Variants in LRP2 observed in about 807,000 individuals in gnomAD.
The protein encoded by LRP2 is low-density lipoprotein receptor-related protein 2.
LRP2 carries 172 observed loss-of-function variants against 531.0 expected under a neutral mutation model. That is an observed-to-expected ratio of 0.32 (90% CI 0.29 to 0.37). The LOEUF (loss-of-function observed/expected upper bound fraction) is 0.37. Ranked by LOEUF, LRP2 falls within the 10% of genes least tolerant of loss-of-function variation. The pLI is 1.00. For missense variants in LRP2, 5,167 were observed against 5,868.3 expected (o/e 0.88, Z 3.90); for synonymous variants, 1,992 against 2,027.6 (o/e 0.98, Z 0.47).
At chr2:169,274,758 C>G (rs1165230770) in intron 14 of LRP2, among the ~76,000 whole-genome samples, 1 of 152,102 alleles carries the variant, frequency 6.6e-6, no homozygotes, top group Admixed American at 6.6e-5. Context: ...AGCTGCTATA[C>G]CCCCAAGCAT....
At position 169,318,820 on chromosome 2, in the gene LRP2, G is replaced by A; in HGVS notation, c.252C>T (p.Ser84=). Residue 84 remains serine (S), a synonymous_variant, in exon 3 of 79, where the codon TCC becomes TCT. Transcript: ENST00000649046. The part of the protein sequence containing the change: ...CQSEGQCIPN[S]WVCDQDQDCD... ...AGTCTTGATCTTGGTCACACACCCA[G>A]GAGTTGGGGATGCATTGTCCCTCAC... 1 of 1,614,150 alleles carries A rather than the reference G, an allele frequency of 6.2e-7. No homozygotes were observed. The highest frequency in any genetic ancestry group is 1.1e-5 in the South Asian group (1 of 91,086).
At chr2:169,354,455 C>T (rs1685937128) in intron 1 of LRP2, among the ~76,000 whole-genome samples, 1 of 152,180 alleles carries the variant, frequency 6.6e-6, no homozygotes, top group South Asian at 2.1e-4. Flanking sequence ...ATTACATTTC[C>T]TCCTTTCATT....
intron 31 of LRP2, among the ~76,000 whole-genome samples, chr2:169,231,006 C>A (rs1574157816): frequency 6.6e-6 from 1 of 152,010 alleles, no homozygotes; most frequent in Admixed American, 6.6e-5. Flanking sequence ...AAAAATGAGA[C>A]AATGGAGCCA....
intron 45 of LRP2, 115 bp downstream of exon 45, chr2:169,198,671 G>A (rs941546358): frequency 2.4e-6 from 3 of 1,247,632 alleles, no homozygotes; most frequent in African/African-American, 3.0e-5. Flanking sequence ...TACTTAGAAG[G>A]TCAATGTGAA....
In LRP2 at chr2:169,282,948, G is replaced by T. The variant is rs865814749; in HGVS notation, c.1096C>A (p.Pro366Thr). ...GICDQKCESR[P>T]GRHLCHCEEG... ...TCACAGTGGCACAGGTGACGGCCAG[G>T]TCGGCTTTCACACTTCTGGTCACAA... The change falls in exon 10 of 79, where the codon CCT becomes ACT. Residue 366 changes from proline (P) to threonine (T), a missense_variant. Physicochemically the swap from Pro to Thr is conservative, Grantham distance 38. This residue lies in a region of LRP2 where 2,811 missense variants were observed against 3,058.0 expected (regional missense o/e 0.92). Coordinates refer to ENST00000649046, the MANE Select transcript of LRP2 (RefSeq NM_004525.3). 2.5e-6 allele frequency: 4 copies of T among 1,614,060 alleles called. No individual in the cohort carries two copies. Among genetic ancestry groups the T allele is most frequent in the Middle Eastern group, 1.7e-4 (1 of 6,060 alleles).
chr2:169,193,263 C>CA (rs11378293), intron 47 of LRP2, among the ~76,000 whole-genome samples: 11,308 of 145,942 alleles, frequency 0.077, 1,152 homozygotes, highest in African/African-American at 0.24. Flanking sequence ...TTCGTCTCTA[C>CA]AAAAAAAAAA....
chr2:169,275,342 C>A lies in LRP2; in HGVS notation c.1773-104G>T. 6 of 857,648 alleles carry A rather than the reference C, an allele frequency of 7.0e-6. No homozygotes were observed. In the South Asian group the frequency reaches 8.7e-5, roughly 12 times the overall value. The allele number at this position is 857,648 out of a possible 1,614,324, so 53.1% of individuals were successfully genotyped here. On this transcript the variant is annotated intron_variant, in intron 13 of 78. Coordinates refer to ENST00000649046, the MANE Select transcript of LRP2 (RefSeq NM_004525.3). ...AAATGCCTGAAAAGCTAAATAATTT[C>A]TTGTCACAAATACGGAATAGATAGA...
chr2:169,299,173 A>AAGAG (rs1559064127), intron 4 of LRP2, among the ~76,000 whole-genome samples: 2 of 9,008 alleles, frequency 2.2e-4, no homozygotes, highest in African/African-American at 3.7e-4. Flanking sequence ...GAAAGAAAGA[A>AAGAG]AAAGAAAGAA....
intron 61 of LRP2, among the ~76,000 whole-genome samples, chr2:169,168,018 A>AATATATATATAT (rs4001548): frequency 0.054 from 3,700 of 67,994 alleles, 384 homozygotes; most frequent in Non-Finnish European, 0.074. Context: ...CAGGGTTTAA[A>AATATATATATAT]ATATATATAT....
intron 18 of LRP2, 25 bp downstream of exon 18, chr2:169,257,099 A>G (rs148998067): frequency 1.2e-6 from 2 of 1,611,630 alleles, no homozygotes; most frequent in Non-Finnish European, 8.5e-7. Context: ...AGAACTAAGT[A>G]TCGGGGATGA....
chr2:169,156,551 CACTAAG>C, intron 64 of LRP2, 146 bp from the exon 65 acceptor site: 3 of 926,926 alleles, frequency 3.2e-6, no homozygotes, highest in Non-Finnish European at 5.2e-6. Flanking sequence ...ATTTGTGAAA[CACTAAG>C]TTTCAGATAC....
chr2:169,299,433 G>C (rs984751009), intron 4 of LRP2, among the ~76,000 whole-genome samples: 1 of 151,918 alleles, frequency 6.6e-6, no homozygotes, highest in Non-Finnish European at 1.5e-5. Flanking sequence ...GTGCCTGAGA[G>C]GGTTGCTCCA....
rs369240856 is a variant in LRP2, at chr2:169,132,672, A to G, written c.13630T>C (p.Ser4544Pro). 2.6e-6 allele frequency: 4 copies of G among 1,554,318 alleles called. No homozygotes were observed. Among genetic ancestry groups the G allele is most frequent in the Non-Finnish European group, 3.6e-6 (4 of 1,125,776 alleles). ...TAATTCTTATTATCCACATTTTCAG[A>G]TACAGTCACCTGTGGACATGTTAAA... The part of the protein sequence containing the change: ...KVVQPIQVTV[S>P]ENVDNKNYGS... The change falls in exon 77 of 79, where the codon TCT (serine) becomes CCT (proline). Residue 4544 changes from serine to proline, a missense_variant. Coordinates refer to ENST00000649046, the MANE Select transcript of LRP2 (RefSeq NM_004525.3).
intron 47 of LRP2, among the ~76,000 whole-genome samples, chr2:169,193,420 G>A (rs371954164): frequency 3.5e-5 from 4 of 115,042 alleles, no homozygotes; most frequent in Admixed American, 1.1e-4. Context: ...AACAGAGTAA[G>A]ACCTTGTCAA....
In LRP2 at chr2:169,176,423, G is replaced by C. The variant is rs150113078; in HGVS notation, c.10559C>G (p.Ala3520Gly). ...PMCSSTQFLC[A>G]NNEKCIPIWW... The stretch of plus-strand genomic sequence containing the variant: ...AAGAGAGCCTTACTTTTCATTGTTA[G>C]CGCACAGGAACTGGGTGCTGGAGCA... Residue 3520 changes from alanine (A) to glycine (G), a missense_variant, in exon 54 of 79, where the codon GCT becomes GGT. This residue lies in a region of LRP2 where 311 missense variants were observed against 309.4 expected (regional missense o/e 1.01). Transcript: ENST00000649046. The C allele has an allele frequency of 6.2e-7, 1 of 1,614,188 alleles. No homozygotes were observed. The highest frequency in any genetic ancestry group is 1.7e-5 in the Admixed American group (1 of 60,016).
At chr2:169,326,410 G>A (rs1685061009) in intron 1 of LRP2, among the ~76,000 whole-genome samples, 1 of 151,800 alleles carries the variant, frequency 6.6e-6, no homozygotes, top group Non-Finnish European at 1.5e-5. Context: ...TGGAGACGGG[G>A]TTTCACTGTG....
rs147115907 is a variant in LRP2 at position 169,204,062 on chromosome 2, G to C, written c.7925C>G (p.Thr2642Ser). The change falls in exon 42 of 79, where the codon ACT (threonine) becomes AGT (serine). Residue 2642 changes from threonine to serine, a missense_variant. Thr to Ser is a moderately conservative substitution (Grantham distance 58, BLOSUM62 1). Coordinates refer to ENST00000649046, the MANE Select transcript of LRP2 (RefSeq NM_004525.3). ...CTGTTGTTTCTGGTTCTTCACAACAGTGTTGATTCCCCTGGGCTGGGAGAG... is the reference window on the plus strand; with the variant it reads ...CTGTTGTTTCTGGTTCTTCACAACACTGTTGATTCCCCTGGGCTGGGAGAG... ...NLLSQPRGIN[T>S]VVKNQKQQCN... is the part of the protein sequence containing the mutation. 9 of 1,614,202 alleles carry C rather than the reference G, an allele frequency of 5.6e-6. No individual in the cohort carries two copies. Among genetic ancestry groups the C allele is most frequent in the Non-Finnish European group, 7.6e-6 (9 of 1,180,002 alleles).
Position 169,185,558 on chromosome 2 carries a change from T to C in LRP2, c.9790A>G (p.Ile3264Val), listed in dbSNP as rs1234395446. The C allele has an allele frequency of 6.2e-6, 10 of 1,613,866 alleles. No individual in the cohort carries two copies. The highest frequency in any genetic ancestry group is 8.5e-6 in the Non-Finnish European group (10 of 1,180,008). Residue 3264 changes from isoleucine (I) to valine (V), a missense_variant, in exon 50 of 79, where the codon ATC (isoleucine) becomes GTC (valine). By Grantham distance (29) the Ile-to-Val change is conservative. Around this residue, in one of 6 missense-constraint regions of LRP2, gnomAD observed 1,129 missense variants for 1,362.7 expected, o/e 0.83. Coordinates refer to ENST00000649046, the MANE Select transcript of LRP2 (RefSeq NM_004525.3). ...GCAGCTGGTAGTCTGTGGTTTATGATTGTCTCCTTGTTTGTCTTATTCAGA... is the reference window on the plus strand; with the variant it reads ...GCAGCTGGTAGTCTGTGGTTTATGACTGTCTCCTTGTTTGTCTTATTCAGA... ...MFLNKTNKET[I>V]INHRLPAAES...
At chr2:169,205,261 TC>T (rs1293061873) in intron 41 of LRP2, among the ~76,000 whole-genome samples, 1 of 152,208 alleles carries the variant, frequency 6.6e-6, no homozygotes, top group Non-Finnish European at 1.5e-5. Context: ...TCTTTAGATG[TC>T]TTTTAGTTCA....
Sources: allele counts gnomAD v4.1 joint callset (sites outside exome capture counted in the v4.1 genomes callset), GRCh38; gene constraint gnomAD v4.1.1; regional missense constraint gnomAD v4.1.1; transcripts MANE v1.5; gene names NCBI Gene and HGNC (gene_info 2026-07-23, HGNC 2026-07-21).